The following CWC27 variants were observed in gnomAD, a reference collection of about 807,000 sequenced individuals.
CWC27 encodes the protein CWC27 spliceosome associated cyclophilin, also known as spliceosome-associated protein CWC27 homolog.
A neutral mutation model predicts 63.6 loss-of-function variants in CWC27; 47 were observed. The observed-to-expected ratio is 0.74, with a 90% CI of 0.58 to 0.94. The LOEUF is 0.94. Among genes scored for constraint, CWC27 ranks in the 40% least tolerant of loss-of-function variants. CWC27 has a pLI of 0.00. For missense variants in CWC27, 495 were observed against 554.3 expected (o/e 0.89, Z 1.07); for synonymous variants, 175 against 179.8 (o/e 0.97, Z 0.22).
chr5:64,961,500 C>T (rs1748911571), intron 11 of CWC27, among the ~76,000 whole-genome samples: 1 of 151,910 alleles, frequency 6.6e-6, no homozygotes, highest in South Asian at 2.1e-4. Flanking sequence ...CTTTAAGTCC[C>T]CAAGATGCTT....
At chr5:64,968,646 T>A (rs1248269727) in intron 11 of CWC27, among the ~76,000 whole-genome samples, 1 of 152,050 alleles carries the variant, frequency 6.6e-6, no homozygotes, top group Admixed American at 6.5e-5. Context: ...ATGGCAAAAA[T>A]GTGGTGCCAG....
chr5:64,968,783 A>G (rs569544647), intron 11 of CWC27, among the ~76,000 whole-genome samples: 3 of 152,218 alleles, frequency 2.0e-5, no homozygotes, highest in Non-Finnish European at 4.4e-5. Flanking sequence ...GCTCTATACA[A>G]TACCAAAAGT....
chr5:64,854,153 T>TTTAAAGCTTTTTAA (rs1350377505), intron 10 of CWC27, among the ~76,000 whole-genome samples: 1 of 152,270 alleles, frequency 6.6e-6, no homozygotes, highest in African/African-American at 2.4e-5. Context: ...TTTTTAAGGC[T>TTTAAAGCTTTTTAA]GGATAACATT....
intron 11 of CWC27, among the ~76,000 whole-genome samples, chr5:64,900,477 G>C (rs1404876161): frequency 6.6e-6 from 1 of 152,046 alleles, no homozygotes; most frequent in African/African-American, 2.4e-5. Flanking sequence ...TCAGATATAT[G>C]ATTTGTAAAT....
intron 11 of CWC27, among the ~76,000 whole-genome samples, chr5:64,959,069 G>A (rs938008986): frequency 6.6e-6 from 1 of 151,998 alleles, no homozygotes; most frequent in African/African-American, 2.4e-5. Flanking sequence ...ATAAATGGTA[G>A]TTTTTTTATT....
At chr5:64,935,170 T>G (rs1470359734) in intron 11 of CWC27, among the ~76,000 whole-genome samples, 2 of 152,252 alleles carry the variant, frequency 1.3e-5, no homozygotes, top group African/African-American at 2.4e-5. Context: ...AGTCATGAAG[T>G]CTTTGCCCAT....
At chr5:64,903,896 G>C (rs12054763) in intron 11 of CWC27, among the ~76,000 whole-genome samples, 43,469 of 151,926 alleles carry the variant, frequency 0.29, 6,711 homozygotes, top group East Asian at 0.52. Flanking sequence ...ATTGTATCAA[G>C]TATCAGCACT....
chr5:64,848,854 G>A (rs1746056749), intron 10 of CWC27, among the ~76,000 whole-genome samples: 1 of 152,120 alleles, frequency 6.6e-6, no homozygotes, highest in African/African-American at 2.4e-5. Flanking sequence ...TAAAAACCAT[G>A]TAAGAGAAGC....
At chr5:65,004,936 T>C (rs2548485) in intron 13 of CWC27, among the ~76,000 whole-genome samples, 15,557 of 97,416 alleles carry the variant, frequency 0.16, 1,423 homozygotes, top group Middle Eastern at 0.34. Flanking sequence ...ACACACACAC[T>C]GTTGGTTGGG....
At chr5:64,780,584 C>G (rs1003658953) in intron 2 of CWC27, among the ~76,000 whole-genome samples, 1 of 147,772 alleles carries the variant, frequency 6.8e-6, no homozygotes, top group Non-Finnish European at 1.5e-5. Flanking sequence ...TTACTTATAA[C>G]TATAATTACT....
In CWC27 at chr5:64,923,952, A is replaced by G. The variant is rs375148906; in HGVS notation, c.1042+38406A>G. Among the ~76,000 whole-genome samples the G allele has an allele frequency of 4.0e-5, 6 of 151,726 alleles. No individual in the cohort carries two copies. The East Asian group carries it at 1.2e-3, about 30-fold the overall frequency. On this transcript the variant is annotated intron_variant, in intron 11 of 13. Transcript: ENST00000381070. ...TTTAGTGTCATCTTTGGCTTCTTTC[A>G]CTTTTTTGCTATCCCTCATCCCTAC...
rs879391987 is a variant in CWC27 at position 64,782,469 on chromosome 5, A to AATAAATAAATAAATAC, written c.252+450_252+451insACATAAATAAATAAAT. 8.7e-3 allele frequency among the ~76,000 whole-genome samples: 1,317 copies of AATAAATAAATAAATAC among 151,688 alleles called. 12 individuals are homozygous for AATAAATAAATAAATAC. Among genetic ancestry groups the AATAAATAAATAAATAC allele is most frequent in the South Asian group, 0.016 (76 of 4,814 alleles). ...TCTCAAATAAATAAATAAATAAATA[A>AATAAATAAATAAATAC]ATAAATAAATAAATTGTCTGTAAAA... On this transcript the variant is annotated intron_variant, in intron 3 of 13. Transcript: ENST00000381070.
At chr5:65,006,625 A>G (rs1228765443) in intron 13 of CWC27, among the ~76,000 whole-genome samples, 1 of 152,134 alleles carries the variant, frequency 6.6e-6, no homozygotes. Flanking sequence ...AAATTATTTT[A>G]TAAACCTAAT....
intron 10 of CWC27, among the ~76,000 whole-genome samples, chr5:64,877,911 G>A (rs1158172064): frequency 6.6e-6 from 1 of 151,818 alleles, no homozygotes; most frequent in African/African-American, 2.4e-5. Flanking sequence ...GGATGAAGAC[G>A]TCAACACTCA....
intron 11 of CWC27, among the ~76,000 whole-genome samples, chr5:64,919,101 A>G (rs1004292824): frequency 6.6e-6 from 1 of 152,234 alleles, no homozygotes; most frequent in Admixed American, 6.5e-5. Context: ...TTTTTGCTGT[A>G]CAATTTAAAA....
At chr5:64,983,524 G>A (rs1445909601) in intron 13 of CWC27, among the ~76,000 whole-genome samples, 2 of 152,214 alleles carry the variant, frequency 1.3e-5, no homozygotes, top group Non-Finnish European at 2.9e-5. Flanking sequence ...CATTGAGTGT[G>A]TAATGATGGT....
chr5:64,841,935 C>T (rs1001054196), intron 10 of CWC27, among the ~76,000 whole-genome samples: 1 of 152,168 alleles, frequency 6.6e-6, no homozygotes, highest in Admixed American at 6.5e-5. Context: ...TCACCTTGGC[C>T]TCCCAAAGTG....
rs142458338 is a variant in CWC27, at chr5:64,945,521, C to T, written c.1043-26182C>T. Among the ~76,000 whole-genome samples the T allele has an allele frequency of 3.1e-3, 469 of 152,280 alleles. 5 individuals carry two copies. Among genetic ancestry groups the T allele is most frequent in the African/African-American group, 0.011 (438 of 41,566 alleles). On this transcript the variant is annotated intron_variant, in intron 11 of 13. Coordinates refer to ENST00000381070, the MANE Select transcript of CWC27 (RefSeq NM_005869.4). Reference sequence around the variant, plus strand: ...GAAGATAGAAGAATTATTACTTGGGCAGTCTACTGTGTCTAAGTTCATACT... The same window carrying T: ...GAAGATAGAAGAATTATTACTTGGGTAGTCTACTGTGTCTAAGTTCATACT...
intron 7 of CWC27, among the ~76,000 whole-genome samples, chr5:64,789,296 G>C (rs1743994052): frequency 6.6e-6 from 1 of 151,862 alleles, no homozygotes. Context: ...GATCCTAACT[G>C]CTATTTTTTC....
Sources: gnomAD v4.1 joint callset for allele counts (sites outside exome capture counted in the v4.1 genomes callset) on GRCh38, gnomAD v4.1.1 for gene constraint, MANE v1.5 for transcripts, NCBI Gene and HGNC (gene_info 2026-07-23, HGNC 2026-07-21) for gene names.